Variants in USP54 observed in about 807,000 individuals in gnomAD.
USP54 encodes the protein ubiquitin specific peptidase 54, also known as ubiquitin carboxyl-terminal hydrolase 54.
Under a neutral mutation model 170.5 loss-of-function variants are expected in USP54, and 87 were observed. The observed-to-expected ratio is 0.51, with a 90% CI of 0.43 to 0.61. The LOEUF (loss-of-function observed/expected upper bound fraction) is 0.61, where lower values mean the gene tolerates loss of function less well. Among genes scored for constraint, USP54 ranks in the 20% least tolerant of loss-of-function variants. The probability of loss-of-function intolerance (pLI) is 0.00; values close to 1 mark genes in which losing one functional copy is unlikely to be tolerated. For missense variants in USP54, 1,786 were observed against 2,047.8 expected (o/e 0.87, Z 2.47); for synonymous variants, 655 against 742.8 (o/e 0.88, Z 1.92).
At chr10:73,617,251 G>A (rs1254542294) in intron 1 of USP54, among the ~76,000 whole-genome samples, 1 of 150,014 alleles carries the variant, frequency 6.7e-6, no homozygotes, top group Admixed American at 6.6e-5. Flanking sequence ...AGCTGAGATC[G>A]CACCATTGCA....
chr10:73,613,055 G>A (rs2080279597), intron 1 of USP54, among the ~76,000 whole-genome samples: 1 of 151,448 alleles, frequency 6.6e-6, no homozygotes, highest in South Asian at 2.1e-4. Flanking sequence ...TACTCAGGAG[G>A]CTGAGGTGGG....
At chr10:73,557,651 A>C (rs2071489852) in intron 4 of USP54, among the ~76,000 whole-genome samples, 2 of 150,664 alleles carry the variant, frequency 1.3e-5, no homozygotes, top group South Asian at 4.2e-4. Flanking sequence ...ACACCCAGCT[A>C]ATTTTTGTAT....
chr10:73,539,262 G>C (rs1590167194), intron 10 of USP54, among the ~76,000 whole-genome samples, 182 bp downstream of exon 10: 3 of 134,992 alleles, frequency 2.2e-5, no homozygotes. Context: ...CTGGGTGACA[G>C]AGTGAGACTC....
At chr10:73,524,650 T>A (rs180761266) in intron 16 of USP54, among the ~76,000 whole-genome samples, 9 of 152,330 alleles carry the variant, frequency 5.9e-5, no homozygotes, top group African/African-American at 2.2e-4. Flanking sequence ...AGTATTACGC[T>A]GAACATTTGT....
At chr10:73,507,194 T>G (rs1387014352) in intron 20 of USP54, 3 of 151,314 alleles carry the variant, frequency 2.0e-5, no homozygotes, top group Non-Finnish European at 4.4e-5. Context: ...GAAAATACAG[T>G]GTATGCACAC....
chr10:73,536,510 C>G, intron 10 of USP54, 73 bp from the exon 11 acceptor site: 2 of 1,390,378 alleles, frequency 1.4e-6, no homozygotes, highest in Non-Finnish European at 1.9e-6. Context: ...TCTTTCTGTT[C>G]TGTATTTCTA....
At chr10:73,620,735 C>T (rs2081025448) in intron 1 of USP54, among the ~76,000 whole-genome samples, 1 of 149,968 alleles carries the variant, frequency 6.7e-6, no homozygotes, top group South Asian at 2.1e-4. Context: ...GTCAGGACTT[C>T]AAGACCAGCC....
At chr10:73,514,223 G>A (rs1224659824) in intron 20 of USP54, among the ~76,000 whole-genome samples, 1 of 152,142 alleles carries the variant, frequency 6.6e-6, no homozygotes, top group Non-Finnish European at 1.5e-5. Flanking sequence ...CCCAAGTGCT[G>A]GGATTACAGG....
rs1363095582 is a variant in USP54 at position 73,500,795 on chromosome 10, CA to C, written c.4354del (p.Cys1452ValfsTer35). On this transcript the variant is annotated frameshift_variant, in exon 23 of 24. Transcript: ENST00000687698. LOFTEE classifies it high-confidence loss of function. ...VRKPLETGHR[C>X]SSSSSLPVIH... ...GACAGGGAGGGAAGAGGAGCTGGAA[CA>C]ACGGTGCCCGGTTTCCAAAGGCTTC... 6.3e-7 allele frequency: 1 copy of C among 1,599,508 alleles called. No individual in the cohort carries two copies. Among genetic ancestry groups the C allele is most frequent in the Non-Finnish European group, 8.5e-7 (1 of 1,175,100 alleles).
rs367824271 is a variant in USP54, at chr10:73,561,207, CT to C, written c.240+10213del. ...GAGTGTTTATAGTATGGTCCAAGCA[CT>C]GTACTAGGCACTGTGAGAAATAACA... On this transcript the variant is annotated intron_variant, in intron 4 of 23. Transcript: ENST00000687698. Among the ~76,000 whole-genome samples, 527 of 151,248 alleles carry C rather than the reference CT, an allele frequency of 3.5e-3. 1 individual carries two copies. Among genetic ancestry groups the C allele is most frequent in the African/African-American group, 0.012 (503 of 41,278 alleles).
chr10:73,583,046 T>C (rs1027258146), intron 1 of USP54, among the ~76,000 whole-genome samples: 1 of 152,130 alleles, frequency 6.6e-6, no homozygotes, highest in Non-Finnish European at 1.5e-5. Context: ...ATCAGAAAAA[T>C]ATCAGACAAA....
At chr10:73,561,852 GATCTGGA>G (rs1453073083) in intron 4 of USP54, among the ~76,000 whole-genome samples, 5 of 152,066 alleles carry the variant, frequency 3.3e-5, no homozygotes, top group African/African-American at 1.2e-4. Context: ...GCAATTTAGG[GATCTGGA>G]AAAAAGTAAT....
At chr10:73,569,282 G>C (rs973477593) in intron 4 of USP54, among the ~76,000 whole-genome samples, 8 of 151,868 alleles carry the variant, frequency 5.3e-5, no homozygotes, top group African/African-American at 1.9e-4. Flanking sequence ...ACTTACCATG[G>C]GACTACTGTA....
chr10:73,604,913 G>A (rs183248338), intron 1 of USP54, among the ~76,000 whole-genome samples: 1 of 152,244 alleles, frequency 6.6e-6, no homozygotes, highest in Admixed American at 6.5e-5. Context: ...ACCCAAGCGG[G>A]TTGCCGCTGC....
intron 12 of USP54, among the ~76,000 whole-genome samples, chr10:73,532,317 C>T (rs993681499): frequency 1.2e-4 from 19 of 152,126 alleles, no homozygotes; most frequent in Admixed American, 3.9e-4. Context: ...GGACTACAGA[C>T]GCCTGCCACC....
In USP54 at chr10:73,523,571, CACA is replaced by C. The variant is rs1464092646; in HGVS notation, c.2362+9_2362+11del. ...TCCCCATCACCCACAACCTAATGCTCACAACAATTACCCTGATTCTGCAGTTCA... is the reference window on the plus strand; with the variant it reads ...TCCCCATCACCCACAACCTAATGCTCACAATTACCCTGATTCTGCAGTTCA... On this transcript the variant is annotated intron_variant, in intron 17 of 23. Transcript: ENST00000687698. 3 of 1,585,286 alleles carry C rather than the reference CACA, an allele frequency of 1.9e-6. No individual in the cohort carries two copies. Among genetic ancestry groups the C allele is most frequent in the Non-Finnish European group, 2.6e-6 (3 of 1,160,626 alleles).
chr10:73,582,127 C>A (rs2076968134), intron 1 of USP54, among the ~76,000 whole-genome samples: 1 of 152,124 alleles, frequency 6.6e-6, no homozygotes. Context: ...AAACCCAAAG[C>A]AGTCATTCAA....
At chr10:73,605,883 G>A (rs986852094) in intron 1 of USP54, among the ~76,000 whole-genome samples, 3 of 152,036 alleles carry the variant, frequency 2.0e-5, no homozygotes, top group African/African-American at 7.2e-5. Context: ...AGTTTTATGA[G>A]ATGAAACAGG....
chr10:73,556,723 G>GA (rs1462619874), intron 4 of USP54, among the ~76,000 whole-genome samples: 1 of 152,096 alleles, frequency 6.6e-6, no homozygotes. Flanking sequence ...GGTATAACTT[G>GA]AAAAATACTA....
Sources: gnomAD v4.1 joint callset for allele counts (sites outside exome capture counted in the v4.1 genomes callset) on GRCh38, gnomAD v4.1.1 for gene constraint, MANE v1.5 for transcripts, NCBI Gene and HGNC (gene_info 2026-07-23, HGNC 2026-07-21) for gene names.